The following RBFOX1 variants were observed in gnomAD, a reference collection of about 807,000 sequenced individuals.
RBFOX1 encodes RNA binding protein fox-1 homolog 1.
RBFOX1 carries 8 observed loss-of-function variants against 57.7 expected under a neutral mutation model. The observed-to-expected ratio is 0.14, with a 90% confidence interval of 0.08 to 0.25. The LOEUF (loss-of-function observed/expected upper bound fraction) is 0.25, where lower values mean the gene tolerates loss of function less well. RBFOX1 is among the 10% of genes least tolerant of loss of function. RBFOX1 has a pLI of 1.00. For missense variants in RBFOX1, 611 were observed against 548.5 expected (o/e 1.11, Z -1.14); for synonymous variants, 326 against 222.4 (o/e 1.47, Z -4.15).
intron 2 of RBFOX1, among the ~76,000 whole-genome samples, chr16:6,627,036 C>T (rs1055887248): frequency 6.6e-6 from 1 of 152,230 alleles, no homozygotes; most frequent in Non-Finnish European, 1.5e-5. Context: ...GGCTACCCAT[C>T]TGCCTTCTGA....
intron 2 of RBFOX1, among the ~76,000 whole-genome samples, chr16:6,487,795 C>G (rs1314746865): frequency 7.2e-6 from 1 of 137,958 alleles, no homozygotes; most frequent in Non-Finnish European, 1.5e-5. Context: ...TACTTTTTCT[C>G]TATTCCTAAA....
intron 4 of RBFOX1, among the ~76,000 whole-genome samples, chr16:7,464,322 T>C (rs759476582): frequency 6.6e-6 from 1 of 152,110 alleles, no homozygotes; most frequent in African/African-American, 2.4e-5. Flanking sequence ...CACAGTAAAA[T>C]GATCACCATC....
intron 4 of RBFOX1, among the ~76,000 whole-genome samples, chr16:5,874,594 T>G (rs1024658096): frequency 1.3e-5 from 2 of 152,172 alleles, no homozygotes; most frequent in African/African-American, 4.8e-5. Context: ...TGAAACAGGT[T>G]ATGCCTGGCA....
At chr16:6,222,726 G>C (rs979377356) in intron 1 of RBFOX1, among the ~76,000 whole-genome samples, 8 of 130,012 alleles carry the variant, frequency 6.2e-5, no homozygotes, top group African/African-American at 8.6e-5. Context: ...TATGCTTTAA[G>C]TTTTAGGGTA....
chr16:7,586,831 C>G (rs1456138804), intron 6 of RBFOX1, among the ~76,000 whole-genome samples: 1 of 152,176 alleles, frequency 6.6e-6, no homozygotes, highest in Non-Finnish European at 1.5e-5. Context: ...GAGCCAACCC[C>G]AGTCACATCA....
At chr16:6,325,773 A>G (rs1346870160) in intron 2 of RBFOX1, among the ~76,000 whole-genome samples, 1 of 152,188 alleles carries the variant, frequency 6.6e-6, no homozygotes, top group Non-Finnish European at 1.5e-5. Flanking sequence ...GCTCCAAAGC[A>G]AAAAAACACA....
At chr16:7,039,925 C>T (rs1353509988) in intron 3 of RBFOX1, among the ~76,000 whole-genome samples, 4 of 152,106 alleles carry the variant, frequency 2.6e-5, no homozygotes, top group African/African-American at 9.7e-5. Flanking sequence ...ACTTATGTCC[C>T]TGCAGAATTG....
intron 4 of RBFOX1, among the ~76,000 whole-genome samples, chr16:7,418,506 C>T (rs567897533): frequency 8.5e-5 from 13 of 152,262 alleles, no homozygotes; most frequent in African/African-American, 2.2e-4. Flanking sequence ...CCTGACACAA[C>T]ATTTCTGTTT....
At chr16:5,881,153 T>G (rs1018582976) in intron 4 of RBFOX1, among the ~76,000 whole-genome samples, 1 of 152,220 alleles carries the variant, frequency 6.6e-6, no homozygotes, top group East Asian at 1.9e-4. Context: ...TAGGAACCCC[T>G]GTAGAATCTT....
chr16:7,282,897 C>G (rs114942380), intron 4 of RBFOX1, among the ~76,000 whole-genome samples: 6 of 152,132 alleles, frequency 3.9e-5, no homozygotes, highest in South Asian at 2.1e-4. Context: ...CAGGTTGCTG[C>G]AACTGCGATT....
At chr16:6,285,776 C>T (rs1243489769) in intron 1 of RBFOX1, among the ~76,000 whole-genome samples, 1 of 152,154 alleles carries the variant, frequency 6.6e-6, no homozygotes, top group African/African-American at 2.4e-5. Flanking sequence ...CTCTGTTTCT[C>T]TCCTGTCCTC....
At chr16:7,563,166 T>C (rs531565285) in intron 5 of RBFOX1, among the ~76,000 whole-genome samples, 5 of 152,306 alleles carry the variant, frequency 3.3e-5, no homozygotes, top group Admixed American at 3.3e-4. Flanking sequence ...ATTAATAGAA[T>C]GCTAATCACT....
chr16:6,855,995 A>G (rs1309460847), intron 3 of RBFOX1, among the ~76,000 whole-genome samples: 1 of 151,816 alleles, frequency 6.6e-6, no homozygotes, highest in Non-Finnish European at 1.5e-5. Context: ...AGGCCTATTG[A>G]TCCTCCATCT....
chr16:6,007,880 A>C (rs1374456705), intron 4 of RBFOX1, among the ~76,000 whole-genome samples: 1 of 152,126 alleles, frequency 6.6e-6, no homozygotes, highest in East Asian at 1.9e-4. Context: ...GATTTAGGGG[A>C]ACTCGTGGAG....
intron 3 of RBFOX1, among the ~76,000 whole-genome samples, chr16:6,985,342 A>T (rs1475552670): frequency 6.6e-6 from 1 of 152,176 alleles, no homozygotes; most frequent in Non-Finnish European, 1.5e-5. Flanking sequence ...CTTATGCTGC[A>T]CACACATACA....
intron 1 of RBFOX1, among the ~76,000 whole-genome samples, chr16:5,385,966 T>C (rs930649816): frequency 2.6e-5 from 4 of 152,250 alleles, no homozygotes; most frequent in Non-Finnish European, 5.9e-5. Flanking sequence ...TTTGTACATC[T>C]AAACCACAGA....
At chr16:6,096,646 C>A (rs777092293) in intron 1 of RBFOX1, among the ~76,000 whole-genome samples, 1 of 152,176 alleles carries the variant, frequency 6.6e-6, no homozygotes, top group African/African-American at 2.4e-5. Context: ...GGGTTTGATA[C>A]AGTGGCATCA....
chr16:6,718,799 G>T lies in RBFOX1; in HGVS notation c.-16+64149G>T, dbSNP rs113154143. Among the ~76,000 whole-genome samples, 1,049 of 152,214 alleles carry T rather than the reference G, an allele frequency of 6.9e-3. 9 individuals carry two copies. The highest frequency in any genetic ancestry group is 0.047 in the East Asian group (242 of 5,178). ...CACAACTAGGTTGACTCCAGTCTCCGCATAAACACACTGGCAGAAGAGATG... is the reference window on the plus strand; with the variant it reads ...CACAACTAGGTTGACTCCAGTCTCCTCATAAACACACTGGCAGAAGAGATG... On this transcript the variant is annotated intron_variant, in intron 3 of 15. Transcript: ENST00000550418.
At chr16:7,245,494 C>T (rs1205159313) in intron 4 of RBFOX1, among the ~76,000 whole-genome samples, 2 of 152,148 alleles carry the variant, frequency 1.3e-5, no homozygotes, top group Non-Finnish European at 2.9e-5. Flanking sequence ...GTCTTCAATT[C>T]ACCACTGTTG....
Sources: gnomAD v4.1 joint callset for allele counts (sites outside exome capture counted in the v4.1 genomes callset) on GRCh38, gnomAD v4.1.1 for gene constraint, MANE v1.5 for transcripts, NCBI Gene and HGNC (gene_info 2026-07-23, HGNC 2026-07-21) for gene names.